Variants in TSHZ2 observed in about 807,000 individuals in gnomAD.
TSHZ2 encodes the protein teashirt homolog 2.
TSHZ2 carries 21 observed loss-of-function variants against 74.4 expected under a neutral mutation model. The observed-to-expected ratio is 0.28, with a 90% confidence interval of 0.20 to 0.41. The LOEUF (loss-of-function observed/expected upper bound fraction) is 0.41. Ranked by LOEUF, TSHZ2 falls within the 10% of genes least tolerant of loss-of-function variation. The pLI, the probability that TSHZ2 is intolerant of heterozygous loss-of-function variation, is 1.00. For synonymous variants in TSHZ2, 540 were observed against 515.3 expected, an observed-to-expected ratio of 1.05 and a Z score of -0.65; for missense variants, 1,244 against 1,293.5, an observed-to-expected ratio of 0.96 and a Z score of 0.59.
At chr20:53,084,650 C>G in intron 1 of TSHZ2, among the ~76,000 whole-genome samples, 1 of 112,536 alleles carries the variant, frequency 8.9e-6, no homozygotes, top group African/African-American at 3.4e-5. Flanking sequence ...TCCCTCTCTC[C>G]CTCTCTCCTT....
chr20:53,419,966 C>T (rs554314009), intron 2 of TSHZ2, among the ~76,000 whole-genome samples: 4 of 152,372 alleles, frequency 2.6e-5, no homozygotes, highest in African/African-American at 9.6e-5. Flanking sequence ...CTTAGCCCCT[C>T]TCTGTCTCTC....
chr20:53,459,376 C>T (rs929723745), intron 2 of TSHZ2, among the ~76,000 whole-genome samples: 5 of 152,022 alleles, frequency 3.3e-5, no homozygotes, highest in African/African-American at 1.2e-4. Context: ...ACCAGGATTG[C>T]AACCCCTGCC....
intron 2 of TSHZ2, among the ~76,000 whole-genome samples, chr20:53,473,085 C>T (rs1444631148): frequency 2.0e-5 from 3 of 149,080 alleles, no homozygotes; most frequent in African/African-American, 5.0e-5. Context: ...GGGGGAGGGG[C>T]GCCCGCCATT....
intron 1 of TSHZ2, among the ~76,000 whole-genome samples, chr20:53,132,987 T>C (rs1987146743): frequency 6.6e-6 from 1 of 152,180 alleles, no homozygotes; most frequent in Non-Finnish European, 1.5e-5. Flanking sequence ...CTTTTCTCTT[T>C]CTCATTCTTT....
At chr20:53,204,464 TTAAA>T (rs1004542677) in intron 1 of TSHZ2, among the ~76,000 whole-genome samples, 21 of 151,598 alleles carry the variant, frequency 1.4e-4, no homozygotes, top group Non-Finnish European at 2.5e-4. Flanking sequence ...ACATACTAGG[TTAAA>T]TAAGATATAG....
At chr20:53,181,716 G>A (rs2123511947) in intron 1 of TSHZ2, among the ~76,000 whole-genome samples, 2 of 152,262 alleles carry the variant, frequency 1.3e-5, no homozygotes, top group Admixed American at 1.3e-4. Flanking sequence ...GTGAAACCCT[G>A]TCTCTACCAA....
chr20:53,214,532 G>A (rs1989390488), intron 1 of TSHZ2, among the ~76,000 whole-genome samples: 1 of 152,172 alleles, frequency 6.6e-6, no homozygotes, highest in Admixed American at 6.5e-5. Context: ...GGCCAATATT[G>A]TGAAACCATG....
At chr20:52,993,782 T>A (rs553150903) in intron 1 of TSHZ2, among the ~76,000 whole-genome samples, 148 of 152,310 alleles carry the variant, frequency 9.7e-4, no homozygotes, top group African/African-American at 3.3e-3. Flanking sequence ...ATCATGAAAA[T>A]GACACTTGTG....
At chr20:53,200,409 G>T (rs1249547205) in intron 1 of TSHZ2, among the ~76,000 whole-genome samples, 1 of 152,164 alleles carries the variant, frequency 6.6e-6, no homozygotes, top group Non-Finnish European at 1.5e-5. Flanking sequence ...AGAGAGGGGA[G>T]GAAACTGAGT....
At chr20:53,343,369 AC>A (rs1463762407) in intron 2 of TSHZ2, among the ~76,000 whole-genome samples, 1 of 151,984 alleles carries the variant, frequency 6.6e-6, no homozygotes, top group Non-Finnish European at 1.5e-5. Flanking sequence ...CGGAACAAAC[AC>A]GGTAACTGCT....
chr20:53,421,356 T>C (rs930452352), intron 2 of TSHZ2: 1 of 167,206 alleles, frequency 6.0e-6, no homozygotes, highest in Admixed American at 6.2e-5. Context: ...TATTCCATTA[T>C]GTACCTGAGT....
chr20:53,141,149 C>T (rs1012048675), intron 1 of TSHZ2, among the ~76,000 whole-genome samples: 1 of 152,168 alleles, frequency 6.6e-6, no homozygotes, highest in South Asian at 2.1e-4. Flanking sequence ...CAGTGAGCCA[C>T]GTGGGTACCA....
chr20:53,305,940 T>C (rs142376699), intron 2 of TSHZ2, among the ~76,000 whole-genome samples: 3,410 of 147,514 alleles, frequency 0.023, 61 homozygotes, highest in Non-Finnish European at 0.035. Context: ...ATAGTGCCAC[T>C]ACACTCCGGC....
intron 2 of TSHZ2, among the ~76,000 whole-genome samples, chr20:53,474,377 T>G: frequency 1.6e-5 from 2 of 122,534 alleles, no homozygotes; most frequent in Non-Finnish European, 3.3e-5. Context: ...AAAAGAATTT[T>G]CAACCCAGAA....
chr20:53,043,518 T>C (rs927223152), intron 1 of TSHZ2, among the ~76,000 whole-genome samples: 5 of 152,156 alleles, frequency 3.3e-5, no homozygotes, highest in African/African-American at 1.2e-4. Context: ...CTGAGTTTAT[T>C]ATAATAAGCA....
intron 1 of TSHZ2, among the ~76,000 whole-genome samples, chr20:53,132,084 G>C (rs1216649139): frequency 1.3e-5 from 2 of 152,006 alleles, no homozygotes; most frequent in African/African-American, 4.8e-5. Context: ...CCTCAGCCTT[G>C]TATCACCTCT....
intron 1 of TSHZ2, among the ~76,000 whole-genome samples, chr20:53,247,233 A>G (rs1462061628): frequency 1.3e-5 from 2 of 152,134 alleles, no homozygotes; most frequent in East Asian, 1.9e-4. Flanking sequence ...CTTTTTGAAC[A>G]TTTTTCTGTT....
intron 2 of TSHZ2, among the ~76,000 whole-genome samples, chr20:53,364,004 T>C (rs1981164510): frequency 5.9e-5 from 9 of 152,112 alleles, no homozygotes; most frequent in Admixed American, 5.2e-4. Context: ...AATAAAAACA[T>C]ATGGATGGTG....
chr20:53,385,449 C>T (rs1324004145), intron 2 of TSHZ2, among the ~76,000 whole-genome samples: 1 of 152,132 alleles, frequency 6.6e-6, no homozygotes, highest in African/African-American at 2.4e-5. Context: ...TCACTCACGC[C>T]TCCCTCGGTG....
Sources: gnomAD v4.1 joint callset for allele counts (sites outside exome capture counted in the v4.1 genomes callset) on GRCh38, gnomAD v4.1.1 for gene constraint, MANE v1.5 for transcripts, NCBI Gene and HGNC (gene_info 2026-07-23, HGNC 2026-07-21) for gene names.